The following LUZP2 variants were observed in gnomAD, a reference collection of about 807,000 sequenced individuals.
The protein encoded by LUZP2 is leucine zipper protein 2.
LUZP2 carries 52 observed loss-of-function variants against 51.6 expected under a neutral mutation model. The observed-to-expected ratio is 1.01, with a 90% CI of 0.81 to 1.27. LUZP2 has a LOEUF of 1.27. Among genes scored for constraint, LUZP2 ranks in the 50% most tolerant of loss-of-function variants. The pLI is 0.00. For synonymous variants in LUZP2, 154 were observed against 137.3 expected, an observed-to-expected ratio of 1.12 and a Z score of -0.85; for missense variants, 436 against 395.4, an observed-to-expected ratio of 1.10 and a Z score of -0.87.
At chr11:25,067,244 A>T (rs1009196187) in intron 10 of LUZP2, among the ~76,000 whole-genome samples, 1 of 151,932 alleles carries the variant, frequency 6.6e-6, no homozygotes, top group Admixed American at 6.6e-5. Flanking sequence ...TTTTTCTGTA[A>T]CTTTGTTTAA....
chr11:24,993,183 C>G (rs1856400835), intron 9 of LUZP2, among the ~76,000 whole-genome samples: 1 of 152,050 alleles, frequency 6.6e-6, no homozygotes, highest in African/African-American at 2.4e-5. Context: ...AACTACAGTT[C>G]TTGTCTCTAT....
chr11:24,694,911 G>T (rs1029266384), intron 1 of LUZP2, among the ~76,000 whole-genome samples: 12 of 151,464 alleles, frequency 7.9e-5, no homozygotes, highest in Admixed American at 7.9e-4. Context: ...CACACATTGG[G>T]GCCTATCAGG....
intron 7 of LUZP2, among the ~76,000 whole-genome samples, chr11:24,966,270 C>T (rs1855580181): frequency 6.6e-6 from 1 of 151,226 alleles, no homozygotes; most frequent in African/African-American, 2.4e-5. Flanking sequence ...TAATGGTTGT[C>T]TTCTTATTGT....
chr11:24,560,184 A>G (rs7105561), intron 1 of LUZP2, among the ~76,000 whole-genome samples: 63,297 of 152,014 alleles, frequency 0.42, 13,700 homozygotes, highest in African/African-American at 0.51. Flanking sequence ...ACGTGTTATG[A>G]AATGATGGGC....
chr11:24,892,319 T>G, intron 5 of LUZP2: 2 of 985,438 alleles, frequency 2.0e-6, no homozygotes, highest in Non-Finnish European at 2.4e-6. Flanking sequence ...AAGTTCTCTG[T>G]CTGGCCTCGA....
At chr11:24,763,200 G>A (rs1691460948) in intron 4 of LUZP2, 46 bp from the exon 5 acceptor site, 1 of 822,708 alleles carries the variant, frequency 1.2e-6, no homozygotes, top group Non-Finnish European at 1.8e-6. Flanking sequence ...GAAAGCCATG[G>A]TAATGAGTTT....
chr11:24,693,158 T>C (rs1857131658), intron 1 of LUZP2, among the ~76,000 whole-genome samples: 1 of 151,992 alleles, frequency 6.6e-6, no homozygotes, highest in Admixed American at 6.6e-5. Context: ...CTTCCAGTTT[T>C]CTTCATTCTT....
intron 1 of LUZP2, among the ~76,000 whole-genome samples, chr11:24,549,074 TTTTAA>T (rs1564984267): frequency 6.6e-6 from 1 of 152,010 alleles, no homozygotes; most frequent in Non-Finnish European, 1.5e-5. Flanking sequence ...CTCTATACAC[TTTTAA>T]TTTTAATTTT....
intron 10 of LUZP2, among the ~76,000 whole-genome samples, chr11:25,072,708 T>A (rs1232187382): frequency 6.6e-6 from 1 of 152,116 alleles, no homozygotes; most frequent in East Asian, 1.9e-4. Context: ...ATTTAAGAAT[T>A]AAATTATGTT....
At position 25,014,983 on chromosome 11, in the gene LUZP2, C is replaced by T. The variant is rs181826277; in HGVS notation, c.765+31690C>T. 4.2e-3 allele frequency among the ~76,000 whole-genome samples: 635 copies of T among 152,184 alleles called. 7 individuals carry two copies. Among genetic ancestry groups the T allele is most frequent in the African/African-American group, 0.014 (576 of 41,504 alleles). On this transcript the variant is annotated intron_variant, in intron 9 of 11. Coordinates refer to ENST00000336930, the MANE Select transcript of LUZP2 (RefSeq NM_001009909.4). ...TTTCTACATATGGCTAGCCAGTTTC[C>T]CCAGCACCCTTTATTAAATAGGGAA...
At chr11:24,961,202 G>A (rs1457890300) in intron 7 of LUZP2, among the ~76,000 whole-genome samples, 1 of 152,146 alleles carries the variant, frequency 6.6e-6, no homozygotes. Context: ...GTGGTGTGGT[G>A]CTGAAAAAAA....
At chr11:24,636,354 A>G (rs746047624) in intron 1 of LUZP2, among the ~76,000 whole-genome samples, 5 of 152,170 alleles carry the variant, frequency 3.3e-5, no homozygotes, top group Non-Finnish European at 7.3e-5. Context: ...CCTGGAGCTA[A>G]GGCATAGATA....
At chr11:24,653,316 T>A (rs1855694009) in intron 1 of LUZP2, among the ~76,000 whole-genome samples, 1 of 152,168 alleles carries the variant, frequency 6.6e-6, no homozygotes, top group East Asian at 1.9e-4. Flanking sequence ...GACAGATAAG[T>A]CACAGGAAAC....
chr11:24,520,016 G>C (rs570299627), intron 1 of LUZP2, among the ~76,000 whole-genome samples: 3 of 152,126 alleles, frequency 2.0e-5, no homozygotes, highest in Non-Finnish European at 4.4e-5. Context: ...TATTTCATTA[G>C]TTGCCTTGGG....
chr11:24,513,377 G>A (rs894960251), intron 1 of LUZP2, among the ~76,000 whole-genome samples: 8 of 151,744 alleles, frequency 5.3e-5, no homozygotes, highest in East Asian at 3.9e-4. Context: ...TTTAGCAGTC[G>A]TTGGTAAGGT....
intron 1 of LUZP2, among the ~76,000 whole-genome samples, chr11:24,577,140 T>G (rs1373630620): frequency 3.1e-5 from 4 of 127,416 alleles, no homozygotes; most frequent in African/African-American, 1.2e-4. Context: ...AATTAATTGT[T>G]TATCTGAAAA....
At chr11:24,859,271 T>C (rs1294196054) in intron 5 of LUZP2, among the ~76,000 whole-genome samples, 1 of 151,956 alleles carries the variant, frequency 6.6e-6, no homozygotes, top group Admixed American at 6.6e-5. Context: ...ATTGAAAGAG[T>C]AAGAAATTGA....
chr11:25,062,680 C>A (rs534019725), intron 10 of LUZP2, among the ~76,000 whole-genome samples: 1 of 148,716 alleles, frequency 6.7e-6, no homozygotes, highest in African/African-American at 2.5e-5. Flanking sequence ...CCGTCTCCAA[C>A]TTTATCATTG....
intron 5 of LUZP2, among the ~76,000 whole-genome samples, chr11:24,765,618 T>TTC (rs1339348039): frequency 1.0e-4 from 15 of 146,998 alleles, no homozygotes; most frequent in African/African-American, 3.7e-4. Context: ...TTTTCCTTTT[T>TTC]TTTCTTTTTT....
Sources: gnomAD v4.1 joint callset for allele counts (sites outside exome capture counted in the v4.1 genomes callset) on GRCh38, gnomAD v4.1.1 for gene constraint, MANE v1.5 for transcripts, NCBI Gene and HGNC (gene_info 2026-07-23, HGNC 2026-07-21) for gene names.